The following SPATA13 variants were observed in gnomAD, a reference collection of about 807,000 sequenced individuals.
The protein encoded by SPATA13 is spermatogenesis-associated protein 13.
A neutral mutation model predicts 104.0 loss-of-function variants in SPATA13; 50 were observed. The observed-to-expected ratio is 0.48, with a 90% CI of 0.38 to 0.61. SPATA13 has a LOEUF of 0.61. SPATA13 is among the 20% of genes least tolerant of loss of function. The pLI is 0.00. For missense variants in SPATA13, 1,524 were observed against 1,690.6 expected (o/e 0.90, Z 1.73); for synonymous variants, 606 against 667.5 (o/e 0.91, Z 1.42).
At chr13:24,291,416 G>T (rs1386352494) in intron 9 of SPATA13, among the ~76,000 whole-genome samples, 1 of 152,236 alleles carries the variant, frequency 6.6e-6, no homozygotes, top group Admixed American at 6.5e-5. Context: ...TAGAAGGGGT[G>T]AGGGCACACA....
chr13:24,041,998 C>T (rs1019744640), intron 3 of SPATA13, among the ~76,000 whole-genome samples: 7 of 152,196 alleles, frequency 4.6e-5, no homozygotes, highest in African/African-American at 4.8e-5. Context: ...AGAAAGTGTA[C>T]CAGGGAATTC....
chr13:24,052,739 G>A (rs7329991), intron 3 of SPATA13, among the ~76,000 whole-genome samples: 146,744 of 151,120 alleles, frequency 0.97, 71,328 homozygotes, highest in Non-Finnish European at 1. Flanking sequence ...TAAATATTCA[G>A]CATCCTGGCC....
At chr13:24,277,217 G>A (rs1314035378) in intron 4 of SPATA13, among the ~76,000 whole-genome samples, 2 of 152,042 alleles carry the variant, frequency 1.3e-5, no homozygotes, top group Non-Finnish European at 2.9e-5. Flanking sequence ...GGCCGAGGCG[G>A]GCGGATCACA....
At chr13:24,168,348 A>G (rs749152772) in intron 1 of SPATA13, among the ~76,000 whole-genome samples, 35 of 152,266 alleles carry the variant, frequency 2.3e-4, no homozygotes, top group South Asian at 8.3e-4. Flanking sequence ...ATGTGAATTC[A>G]TGTCTCGAGT....
At chr13:24,228,796 T>A (rs1257848602) in intron 2 of SPATA13, among the ~76,000 whole-genome samples, 1 of 152,220 alleles carries the variant, frequency 6.6e-6, no homozygotes, top group Non-Finnish European at 1.5e-5. Context: ...AAAGTTGTAA[T>A]CAACATATAT....
intron 1 of SPATA13, among the ~76,000 whole-genome samples, chr13:24,189,493 ACG>A (rs147969067): frequency 0.77 from 104,199 of 134,472 alleles, 42,585 homozygotes; most frequent in Non-Finnish European, 0.91. Flanking sequence ...CTATATATAT[ACG>A]TGTATATATA....
intron 3 of SPATA13, among the ~76,000 whole-genome samples, chr13:24,073,008 C>T (rs546417352): frequency 2.0e-5 from 3 of 151,986 alleles, no homozygotes; most frequent in Non-Finnish European, 2.9e-5. Context: ...ACATTGATCC[C>T]GTAGATCTTG....
rs146358384 is a variant in SPATA13 at position 24,000,346 on chromosome 13, C to T, written c.-147+16413C>T. On this transcript the variant is annotated intron_variant, in intron 2 of 14. Transcript: ENST00000424834. ...AAAAGGTTTCAAAGGGAGCAGCAGG[C>T]GACAAAGTCCAGTGATGGAGAATAT... Among the ~76,000 whole-genome samples the T allele has an allele frequency of 1.8e-3, 275 of 152,064 alleles. 1 individual carries two copies. Among genetic ancestry groups the T allele is most frequent in the South Asian group, 4.4e-3 (21 of 4,812 alleles).
At chr13:24,165,637 T>G (rs1882698441) in intron 1 of SPATA13, among the ~76,000 whole-genome samples, 1 of 151,928 alleles carries the variant, frequency 6.6e-6, no homozygotes, top group Non-Finnish European at 1.5e-5. Context: ...TTACTCACTG[T>G]CTGGGACAGA....
At chr13:24,039,441 A>T (rs1877833116) in intron 3 of SPATA13, among the ~76,000 whole-genome samples, 1 of 152,222 alleles carries the variant, frequency 6.6e-6, no homozygotes, top group Non-Finnish European at 1.5e-5. Flanking sequence ...AGCTTCTCAC[A>T]AGTTTAATCT....
At chr13:24,058,359 T>G (rs1878646736) in intron 3 of SPATA13, among the ~76,000 whole-genome samples, 1 of 151,848 alleles carries the variant, frequency 6.6e-6, no homozygotes, top group African/African-American at 2.4e-5. Flanking sequence ...ATCAACTCAT[T>G]TAATGCTCAC....
intron 4 of SPATA13, among the ~76,000 whole-genome samples, chr13:24,270,492 G>C (rs998087741): frequency 1.3e-5 from 2 of 152,162 alleles, no homozygotes; most frequent in Non-Finnish European, 2.9e-5. Context: ...TCAGGTTTTG[G>C]TTTTGTAGTT....
At chr13:24,200,268 G>C (rs1352610264) in intron 1 of SPATA13, among the ~76,000 whole-genome samples, 1 of 152,166 alleles carries the variant, frequency 6.6e-6, no homozygotes, top group East Asian at 1.9e-4. Flanking sequence ...ATTTGAACAT[G>C]GGCCTATCTG....
intron 4 of SPATA13, among the ~76,000 whole-genome samples, chr13:24,263,419 T>C (rs1874152617): frequency 6.6e-6 from 1 of 152,200 alleles, no homozygotes; most frequent in South Asian, 2.1e-4. Context: ...TTTATACTCA[T>C]GCCAAGGAAT....
intron 3 of SPATA13, chr13:24,017,715 C>T (rs1208416889): frequency 1.7e-5 from 17 of 985,042 alleles, no homozygotes; most frequent in Non-Finnish European, 2.0e-5. Context: ...AGAAGGGCCT[C>T]GAGTCCGTTC....
In SPATA13 at chr13:24,152,441, A is replaced by G. The variant is rs562751514; in HGVS notation, c.-111-70378A>G. ...TGTGCCTACTTCACAGCTCTGTCTG[A>G]CACCCATCCTGTCACATTGTGTGTA... On this transcript the variant is annotated intron_variant, in intron 3 of 14. Coordinates refer to the SPATA13 transcript ENST00000424834. 3.2e-4 allele frequency among the ~76,000 whole-genome samples: 48 copies of G among 152,306 alleles called. No individual in the cohort carries two copies. In the South Asian group the frequency reaches 9.5e-3, roughly 30 times the overall value.
chr13:24,190,819 T>G (rs1869690807), intron 1 of SPATA13, among the ~76,000 whole-genome samples: 1 of 152,194 alleles, frequency 6.6e-6, no homozygotes, highest in South Asian at 2.1e-4. Context: ...ATTTAATTGA[T>G]AAAGCAGTAG....
At chr13:24,183,871 CTT>C (rs1868967814) in intron 1 of SPATA13, among the ~76,000 whole-genome samples, 1 of 152,110 alleles carries the variant, frequency 6.6e-6, no homozygotes. Flanking sequence ...CTCCATGTGA[CTT>C]TTAAAATAAT....
chr13:24,080,779 A>G (rs1436420867), intron 3 of SPATA13, among the ~76,000 whole-genome samples: 1 of 152,196 alleles, frequency 6.6e-6, no homozygotes. Flanking sequence ...TCCATCGCAC[A>G]TGTTAATGTT....
Sources: gnomAD v4.1 joint callset for allele counts (sites outside exome capture counted in the v4.1 genomes callset) on GRCh38, gnomAD v4.1.1 for gene constraint, MANE v1.5 for transcripts, NCBI Gene and HGNC (gene_info 2026-07-23, HGNC 2026-07-21) for gene names.